Variants in TLL1 observed in about 807,000 individuals in gnomAD.
TLL1 encodes tolloid-like protein 1.
In TLL1, 49 loss-of-function variants were observed where a neutral mutation model predicts 128.2. The observed-to-expected ratio is 0.38, with a 90% confidence interval of 0.30 to 0.48. The LOEUF is 0.48. Ranked by LOEUF, TLL1 falls within the 20% of genes least tolerant of loss-of-function variation. TLL1 has a pLI of 0.96. For missense variants in TLL1, 1,123 were observed against 1,242.0 expected, an observed-to-expected ratio of 0.90 and a Z score of 1.44; for synonymous variants, 454 against 418.8, an observed-to-expected ratio of 1.08 and a Z score of -1.03.
At chr4:166,030,411 G>T (rs545381297) in intron 9 of TLL1, 258 of 525,666 alleles carry the variant, frequency 4.9e-4, no homozygotes, top group Admixed American at 1.2e-3. Context: ...ATTAAGCACT[G>T]ATTAGAGATA....
chr4:166,041,019 T>TAAGG (rs555038816), intron 10 of TLL1, among the ~76,000 whole-genome samples: 3 of 152,156 alleles, frequency 2.0e-5, no homozygotes, highest in African/African-American at 4.8e-5. Flanking sequence ...TGTGGAAAGA[T>TAAGG]AAGGAAGGAA....
chr4:165,955,837 G>T (rs1343493321), intron 1 of TLL1, among the ~76,000 whole-genome samples: 1 of 152,068 alleles, frequency 6.6e-6, no homozygotes, highest in African/African-American at 2.4e-5. Context: ...AGGGTAACCT[G>T]CCCCCAATAT....
At chr4:165,998,117 C>T (rs1339203362) in intron 5 of TLL1, among the ~76,000 whole-genome samples, 2 of 151,948 alleles carry the variant, frequency 1.3e-5, no homozygotes, top group African/African-American at 4.8e-5. Flanking sequence ...TTTTCTTCAA[C>T]GAAGTATTTT....
intron 1 of TLL1, among the ~76,000 whole-genome samples, chr4:165,919,535 T>A (rs1028474215): frequency 6.6e-6 from 1 of 152,170 alleles, no homozygotes; most frequent in African/African-American, 2.4e-5. Context: ...TATATATAAT[T>A]AACTGACTTT....
At chr4:165,996,156 T>G (rs1736864797) in intron 5 of TLL1, among the ~76,000 whole-genome samples, 1 of 152,124 alleles carries the variant, frequency 6.6e-6, no homozygotes, top group Admixed American at 6.6e-5. Context: ...CACATTGGGA[T>G]TTTGCTCCTA....
intron 11 of TLL1, among the ~76,000 whole-genome samples, chr4:166,042,402 T>C (rs1353384366): frequency 6.6e-6 from 1 of 152,212 alleles, no homozygotes; most frequent in East Asian, 1.9e-4. Context: ...CAAGAATTCT[T>C]AAAGTTTAAT....
At chr4:165,882,346 C>T (rs1730999355) in intron 1 of TLL1, among the ~76,000 whole-genome samples, 1 of 152,094 alleles carries the variant, frequency 6.6e-6, no homozygotes, top group Non-Finnish European at 1.5e-5. Flanking sequence ...AGAATTCCTG[C>T]TTGTACTTGT....
At chr4:165,879,828 G>A (rs968604930) in intron 1 of TLL1, among the ~76,000 whole-genome samples, 3 of 151,994 alleles carry the variant, frequency 2.0e-5, no homozygotes, top group African/African-American at 7.2e-5. Context: ...GGACTCGGGG[G>A]CCTGGCAAGG....
At position 166,077,963 on chromosome 4, in the gene TLL1, A is replaced by G. The variant is rs1387982046; in HGVS notation, c.2375A>G (p.Asp792Gly). ...CTCATCACCAGTCCCAACTGGCCAG[A>G]CAAGTACCCAAGCAGGAAAGAATGC... ...SGLITSPNWP[D>G]KYPSRKECTW... Residue 792 changes from aspartate to glycine, a missense_variant, in exon 18 of 21, where the codon GAC becomes GGC. Asp to Gly is a moderately conservative substitution (Grantham distance 94, BLOSUM62 -1). This residue lies in a region of TLL1 where 634 missense variants were observed against 672.4 expected (regional missense o/e 0.94). Transcript: ENST00000061240. The G allele has an allele frequency of 3.1e-6, 5 of 1,613,606 alleles. No individual in the cohort carries two copies. Among genetic ancestry groups the G allele is most frequent in the Non-Finnish European group, 4.2e-6 (5 of 1,179,788 alleles).
intron 1 of TLL1, among the ~76,000 whole-genome samples, chr4:165,920,507 T>C (rs909378808): frequency 6.6e-6 from 1 of 152,170 alleles, no homozygotes; most frequent in Non-Finnish European, 1.5e-5. Flanking sequence ...TGTACACAAA[T>C]GGACAATAGA....
At chr4:165,921,413 C>T (rs780861359) in intron 1 of TLL1, among the ~76,000 whole-genome samples, 19 of 152,124 alleles carry the variant, frequency 1.2e-4, no homozygotes, top group Non-Finnish European at 4.4e-5. Flanking sequence ...CTTCAGTTAC[C>T]ATGGCATATT....
chr4:165,945,992 A>G (rs1221730964), intron 1 of TLL1, among the ~76,000 whole-genome samples: 1 of 152,184 alleles, frequency 6.6e-6, no homozygotes, highest in Non-Finnish European at 1.5e-5. Context: ...TCAGTTGGAA[A>G]GATGTAGCAG....
intron 13 of TLL1, among the ~76,000 whole-genome samples, chr4:166,055,520 C>G (rs1180557047): frequency 6.6e-6 from 1 of 151,966 alleles, no homozygotes; most frequent in East Asian, 1.9e-4. Context: ...ACAGCAAGTT[C>G]CAGAAAAGGA....
At chr4:165,991,280 T>TA (rs1450637224) in intron 2 of TLL1, among the ~76,000 whole-genome samples, 1 of 151,994 alleles carries the variant, frequency 6.6e-6, no homozygotes, top group Non-Finnish European at 1.5e-5. Flanking sequence ...CTGATAATAA[T>TA]AAAAACACTT....
intron 15 of TLL1, among the ~76,000 whole-genome samples, chr4:166,061,251 CTTTTTT>C (rs1176866599): frequency 4.8e-5 from 2 of 42,018 alleles, no homozygotes; most frequent in East Asian, 8.4e-4. Flanking sequence ...TTTTTTTTTT[CTTTTTT>C]TTTTTTGAGA....
intron 11 of TLL1, 132 bp from the exon 12 acceptor site, chr4:166,043,142 A>G: frequency 8.3e-7 from 1 of 1,202,154 alleles, no homozygotes. Flanking sequence ...CAACCAGTCA[A>G]CTTTGATTTT....
intron 10 of TLL1, among the ~76,000 whole-genome samples, chr4:166,039,765 GT>G (rs1479858417): frequency 2.0e-5 from 3 of 152,064 alleles, no homozygotes; most frequent in Middle Eastern, 3.4e-3. Flanking sequence ...TTAAAAATCA[GT>G]TTTTGATTAA....
At chr4:166,005,717 G>T (rs776393152) in intron 6 of TLL1, among the ~76,000 whole-genome samples, 5 of 151,204 alleles carry the variant, frequency 3.3e-5, no homozygotes, top group Admixed American at 1.3e-4. Flanking sequence ...CTGTTACCAA[G>T]AATTATTCGT....
At chr4:166,087,030 A>C (rs760233598) in intron 18 of TLL1, among the ~76,000 whole-genome samples, 20 of 152,196 alleles carry the variant, frequency 1.3e-4, no homozygotes, top group Non-Finnish European at 2.4e-4. Context: ...TAAATGTGTA[A>C]GTACAAGTAT....
Sources: allele counts gnomAD v4.1 joint callset (sites outside exome capture counted in the v4.1 genomes callset), GRCh38; gene constraint gnomAD v4.1.1; regional missense constraint gnomAD v4.1.1; transcripts MANE v1.5; gene names NCBI Gene and HGNC (gene_info 2026-07-23, HGNC 2026-07-21).